The following XXYLT1 variants were observed in gnomAD, a reference collection of about 807,000 sequenced individuals.
XXYLT1 encodes xyloside xylosyltransferase 1.
Under a neutral mutation model 28.9 loss-of-function variants are expected in XXYLT1, and 20 were observed. The ratio of observed to expected loss-of-function variants is 0.69; its 90% CI spans 0.49 to 1.00. XXYLT1 has a LOEUF of 1.00. Ranked by LOEUF, XXYLT1 falls within the 50% of genes least tolerant of loss-of-function variation. The pLI is 0.00. For missense variants in XXYLT1, 542 were observed against 560.1 expected (o/e 0.97, Z 0.33); for synonymous variants, 257 against 253.8 (o/e 1.01, Z -0.12).
chr3:195,270,905 T>A lies in XXYLT1; in HGVS notation c.154A>T (p.Thr52Ser). Residue 52 changes from threonine (T) to serine (S), a missense_variant, in exon 1 of 4, where the codon ACC (threonine) becomes TCC (serine). By Grantham distance (58) the Thr-to-Ser change is moderately conservative (BLOSUM62 1). Coordinates refer to ENST00000310380, the MANE Select transcript of XXYLT1 (RefSeq NM_152531.5). ...GCGCGGGCCTCCTTCAGCCTCTTGG[T>A]GGCGCTGGAGAAGGTCTCCCGGCCT... ...GSGRETFSSATKRLKEARAGA... is the reference protein window; with the variant it reads ...GSGRETFSSASKRLKEARAGA... The A allele has an allele frequency of 6.8e-7, 1 of 1,475,742 alleles. No homozygotes were observed. The highest frequency in any genetic ancestry group is 9.0e-7 in the Non-Finnish European group (1 of 1,115,074). 91.4% of individuals were successfully genotyped at this position (1,475,742 alleles called of 1,614,324 possible).
chr3:195,086,147 C>G (rs973254181), intron 3 of XXYLT1: 1 of 152,394 alleles, frequency 6.6e-6, no homozygotes, highest in Admixed American at 6.5e-5. Flanking sequence ...CAGCTGGCCG[C>G]GCTGTGTGCC....
chr3:195,101,828 G>A (rs1427797597), intron 3 of XXYLT1, among the ~76,000 whole-genome samples: 1 of 149,950 alleles, frequency 6.7e-6, no homozygotes, highest in Non-Finnish European at 1.5e-5. Context: ...GGAAGGGAGG[G>A]GAGGGGAGGA....
intron 3 of XXYLT1, 32 bp downstream of exon 3, chr3:195,156,417 G>A (rs116204271): frequency 3.2e-5 from 52 of 1,606,552 alleles, no homozygotes; most frequent in Non-Finnish European, 4.0e-5. Flanking sequence ...GGGAGGGGTC[G>A]TGGAGGCGGC....
intron 3 of XXYLT1, among the ~76,000 whole-genome samples, chr3:195,090,766 T>A (rs1577014303): frequency 6.8e-6 from 1 of 147,072 alleles, no homozygotes; most frequent in East Asian, 2.0e-4. Context: ...TCAACAAAAT[T>A]GATAGACCAC....
chr3:195,199,230 T>C (rs1180978586), intron 2 of XXYLT1, among the ~76,000 whole-genome samples: 3 of 152,104 alleles, frequency 2.0e-5, no homozygotes, highest in Non-Finnish European at 4.4e-5. Flanking sequence ...GGCCACCGGC[T>C]CGAGGTTCCC....
At position 195,074,488 on chromosome 3, in the gene XXYLT1, G is replaced by C. The variant is rs1041801251; in HGVS notation, c.786-4377C>G. On this transcript the variant is annotated intron_variant, in intron 3 of 3. Transcript: ENST00000310380. ...GCCTGGCCCAATGAGCTCGTTTGGC[G>C]TGGAAGGGACCTTGTTTTCCAGTCA... Among the ~76,000 whole-genome samples the C allele has an allele frequency of 4.6e-5, 7 of 152,306 alleles. No individual in the cohort carries two copies. In the South Asian group the frequency reaches 1.4e-3, roughly 32 times the overall value.
At chr3:195,175,744 C>T in intron 2 of XXYLT1, 6 of 1,533,412 alleles carry the variant, frequency 3.9e-6, no homozygotes, top group Non-Finnish European at 3.5e-6. Flanking sequence ...AGTGAGAAGC[C>T]ACTGCAGGGC....
chr3:195,204,323 C>T (rs559488256), intron 2 of XXYLT1, among the ~76,000 whole-genome samples: 2 of 147,402 alleles, frequency 1.4e-5, no homozygotes, highest in South Asian at 4.3e-4. Context: ...AGCCTGGCGA[C>T]AGAGCAAGAC....
intron 2 of XXYLT1, among the ~76,000 whole-genome samples, chr3:195,159,400 C>T (rs1263074441): frequency 6.6e-6 from 1 of 152,194 alleles, no homozygotes; most frequent in Non-Finnish European, 1.5e-5. Context: ...CTACTGACTC[C>T]CTAGTTAATG....
At chr3:195,213,263 CTTT>C (rs924778735) in intron 2 of XXYLT1, among the ~76,000 whole-genome samples, 9 of 129,038 alleles carry the variant, frequency 7.0e-5, no homozygotes, top group African/African-American at 2.6e-4. Context: ...TTCTTTCTTT[CTTT>C]TTTTTTTTTT....
At chr3:195,182,285 A>G (rs1343361092) in intron 2 of XXYLT1, among the ~76,000 whole-genome samples, 1 of 152,246 alleles carries the variant, frequency 6.6e-6, no homozygotes, top group Admixed American at 6.5e-5. Flanking sequence ...AATAGTGACT[A>G]ACCTCTAATA....
At chr3:195,236,291 G>A (rs1458659986) in intron 1 of XXYLT1, among the ~76,000 whole-genome samples, 1 of 152,144 alleles carries the variant, frequency 6.6e-6, no homozygotes, top group Non-Finnish European at 1.5e-5. Flanking sequence ...CTGCGGTTAA[G>A]CTGGCAACAA....
chr3:195,161,634 ATTT>A (rs35541699), intron 2 of XXYLT1, among the ~76,000 whole-genome samples: 60 of 138,846 alleles, frequency 4.3e-4, no homozygotes, highest in South Asian at 7.0e-4. Flanking sequence ...AGATATATAG[ATTT>A]TTTTTTTTTT....
intron 1 of XXYLT1, among the ~76,000 whole-genome samples, chr3:195,241,108 C>T (rs147555303): frequency 7.9e-5 from 12 of 152,308 alleles, no homozygotes; most frequent in East Asian, 7.7e-4. Flanking sequence ...ACACCAAGGC[C>T]GACCTGAAGA....
chr3:195,192,044 C>T (rs995034676), intron 2 of XXYLT1, among the ~76,000 whole-genome samples: 2 of 152,164 alleles, frequency 1.3e-5, no homozygotes, highest in East Asian at 3.8e-4. Context: ...TTGCAAAATA[C>T]ACATTCTGCA....
intron 3 of XXYLT1, among the ~76,000 whole-genome samples, chr3:195,132,832 C>T (rs1718970384): frequency 6.6e-6 from 1 of 152,200 alleles, no homozygotes; most frequent in South Asian, 2.1e-4. Context: ...TTCAGGTTTA[C>T]ACAGATTAAC....
At chr3:195,113,326 G>C (rs1717881460) in intron 3 of XXYLT1, among the ~76,000 whole-genome samples, 1 of 152,174 alleles carries the variant, frequency 6.6e-6, no homozygotes, top group Non-Finnish European at 1.5e-5. Flanking sequence ...CCAGGGAGTT[G>C]GGAAAGCTTG....
At chr3:195,136,322 AC>A (rs1719198658) in intron 3 of XXYLT1, among the ~76,000 whole-genome samples, 1 of 151,800 alleles carries the variant, frequency 6.6e-6, no homozygotes, top group African/African-American at 2.4e-5. Context: ...ACTGCAACCC[AC>A]CCCGGCCCAA....
chr3:195,102,457 C>T (rs1413712555), intron 3 of XXYLT1, among the ~76,000 whole-genome samples: 1 of 151,998 alleles, frequency 6.6e-6, no homozygotes, highest in Non-Finnish European at 1.5e-5. Flanking sequence ...GCCGTGGCCA[C>T]GGTAACCATC....
Sources: gnomAD v4.1 joint callset for allele counts (sites outside exome capture counted in the v4.1 genomes callset) on GRCh38, gnomAD v4.1.1 for gene constraint, MANE v1.5 for transcripts, NCBI Gene and HGNC (gene_info 2026-07-23, HGNC 2026-07-21) for gene names.